The following MPHOSPH9 variants were observed in gnomAD, a reference collection of about 807,000 sequenced individuals.
MPHOSPH9 encodes M-phase phosphoprotein 9.
Under a neutral mutation model 145.5 loss-of-function variants are expected in MPHOSPH9, and 88 were observed. That is an observed-to-expected ratio of 0.60 (90% CI 0.51 to 0.72). The LOEUF (loss-of-function observed/expected upper bound fraction) is 0.72. Among genes scored for constraint, MPHOSPH9 ranks in the 30% least tolerant of loss-of-function variants. The pLI is 0.00. For synonymous variants in MPHOSPH9, 435 were observed against 486.2 expected (o/e 0.89, Z 1.39); for missense variants, 1,238 against 1,386.6 (o/e 0.89, Z 1.70).
Position 123,227,462 on chromosome 12 carries a change from C to T in MPHOSPH9, c.258+1G>A. ...TCCAAAAATAAAACAAAATTAGATA[C>T]CTCACAGTTTTTCCAAAGTTCCGAA... On this transcript the variant is annotated splice_donor_variant, in intron 3 of 23. Coordinates refer to ENST00000606320, the MANE Select transcript of MPHOSPH9 (RefSeq NM_022782.4). LOFTEE classifies it high-confidence loss of function. 2 of 1,482,448 alleles carry T rather than the reference C, an allele frequency of 1.3e-6. No individual in the cohort carries two copies. The highest frequency in any genetic ancestry group is 2.8e-5 in the African/African-American group (2 of 71,272). 91.8% of individuals were successfully genotyped at this position (1,482,448 alleles called of 1,614,324 possible).
chr12:123,197,548 C>T (rs892925986), intron 12 of MPHOSPH9, among the ~76,000 whole-genome samples: 4 of 152,038 alleles, frequency 2.6e-5, no homozygotes, highest in African/African-American at 9.7e-5. Context: ...CTCTGGGAGG[C>T]CGAGGTGGGT....
At chr12:123,162,869 G>T in intron 20 of MPHOSPH9, 145 bp downstream of exon 20, 1 of 738,986 alleles carries the variant, frequency 1.4e-6, no homozygotes, top group Non-Finnish European at 2.0e-6. Context: ...TTTAGTTGTA[G>T]TATGACATTC....
At chr12:123,170,561 C>T (rs1040048185) in intron 16 of MPHOSPH9, among the ~76,000 whole-genome samples, 4 of 152,092 alleles carry the variant, frequency 2.6e-5, no homozygotes, top group African/African-American at 7.2e-5. Context: ...AAATTATAGA[C>T]GTGAGCCACC....
chr12:123,177,083 G>A (rs371746280), intron 15 of MPHOSPH9, among the ~76,000 whole-genome samples: 2 of 152,046 alleles, frequency 1.3e-5, no homozygotes, highest in Non-Finnish European at 2.9e-5. Context: ...CCAGCTACTC[G>A]GGGGGCTGAG....
At chr12:123,193,060 G>C (rs1360611698) in intron 13 of MPHOSPH9, among the ~76,000 whole-genome samples, 19 of 120,636 alleles carry the variant, frequency 1.6e-4, no homozygotes, top group South Asian at 2.9e-4. Flanking sequence ...CGACAGAGAG[G>C]GATTGTCTTT....
At chr12:123,167,565 C>T (rs757380061) in intron 16 of MPHOSPH9, among the ~76,000 whole-genome samples, 1 of 152,048 alleles carries the variant, frequency 6.6e-6, no homozygotes, top group Non-Finnish European at 1.5e-5. Context: ...TGTGGACTGC[C>T]CTTTGTCTTT....
At chr12:123,239,749 C>T (rs1379501375) in intron 1 of MPHOSPH9, among the ~76,000 whole-genome samples, 1 of 152,154 alleles carries the variant, frequency 6.6e-6, no homozygotes, top group African/African-American at 2.4e-5. Flanking sequence ...AACATTAACA[C>T]AACAGAGGTG....
At chr12:123,205,130 A>G (rs1593184329) in intron 8 of MPHOSPH9, among the ~76,000 whole-genome samples, 1 of 152,334 alleles carries the variant, frequency 6.6e-6, no homozygotes, top group African/African-American at 2.4e-5. Flanking sequence ...GAAAGAACAC[A>G]TTAATCATGT....
chr12:123,193,248 G>A (rs1186018930), intron 13 of MPHOSPH9, among the ~76,000 whole-genome samples: 1 of 151,292 alleles, frequency 6.6e-6, no homozygotes, highest in African/African-American at 2.4e-5. Flanking sequence ...CAGTATGTCT[G>A]AAATAGATGG....
intron 8 of MPHOSPH9, among the ~76,000 whole-genome samples, chr12:123,209,499 C>T (rs962698611): frequency 1.3e-5 from 2 of 151,900 alleles, no homozygotes; most frequent in Admixed American, 1.3e-4. Flanking sequence ...CTCCACCTCC[C>T]AGGTTCAAGT....
chr12:123,208,532 T>TC (rs1235086890), intron 8 of MPHOSPH9, among the ~76,000 whole-genome samples: 2 of 33,926 alleles, frequency 5.9e-5, no homozygotes, highest in Non-Finnish European at 2.4e-4. Context: ...TGAAACTGTC[T>TC]CAAAAAAAAA....
intron 11 of MPHOSPH9, 75 bp from the exon 12 acceptor site, chr12:123,198,409 T>C (rs2046068891): frequency 8.7e-7 from 1 of 1,154,818 alleles, no homozygotes; most frequent in Non-Finnish European, 1.2e-6. Flanking sequence ...ATCTAACCAA[T>C]TCTCTAATAT....
intron 10 of MPHOSPH9, 38 bp downstream of exon 10, chr12:123,202,586 A>G (rs1225224867): frequency 6.5e-7 from 1 of 1,539,772 alleles, no homozygotes; most frequent in African/African-American, 1.4e-5. Flanking sequence ...ATCACAGAAA[A>G]TCTATTAACA....
chr12:123,222,196 G>A (rs1343427455), intron 4 of MPHOSPH9, among the ~76,000 whole-genome samples: 1 of 151,546 alleles, frequency 6.6e-6, no homozygotes, highest in East Asian at 1.9e-4. Context: ...ACGGTGGTGC[G>A]CATCTGTAAT....
chr12:123,194,125 C>T (rs1471138003), intron 13 of MPHOSPH9, among the ~76,000 whole-genome samples: 2 of 152,014 alleles, frequency 1.3e-5, no homozygotes, highest in East Asian at 1.9e-4. Flanking sequence ...AAAAATTAGC[C>T]GGGCGCAGTG....
rs2138562717 is a variant in MPHOSPH9, at chr12:123,218,577, G to A, written c.873-78C>T. Reference sequence around the variant, plus strand: ...GTCTTGCTGTGTCGCCCAGGCTGGAGTACGGTGGCGCAATCTCAGTTCACT... The same window carrying A: ...GTCTTGCTGTGTCGCCCAGGCTGGAATACGGTGGCGCAATCTCAGTTCACT... On this transcript the variant is annotated intron_variant, in intron 5 of 23. Coordinates refer to ENST00000606320, the MANE Select transcript of MPHOSPH9 (RefSeq NM_022782.4). 5 of 1,400,204 alleles carry A rather than the reference G, an allele frequency of 3.6e-6. No individual in the cohort carries two copies. The East Asian group carries it at 9.4e-5, about 26-fold the overall frequency. 86.7% of individuals were successfully genotyped at this position (1,400,204 alleles called of 1,614,324 possible).
Position 123,154,632 on chromosome 12 carries a change from A to G in MPHOSPH9, c.*2175T>C, listed in dbSNP as rs1372219357. On this transcript the variant is annotated 3_prime_UTR_variant, in exon 24 of 24. Coordinates refer to ENST00000606320, the MANE Select transcript of MPHOSPH9 (RefSeq NM_022782.4). ...AGATAAAACTATCATCTCTTCTGAA[A>G]TGGCATTTTTTAATTCTTAAGAATG... The G allele has an allele frequency of 6.6e-6, 1 of 152,196 alleles. No homozygotes were observed. The highest frequency in any genetic ancestry group is 1.5e-5 in the Non-Finnish European group (1 of 68,034). The allele number at this position is 152,196 out of a possible 1,614,324, so 9.4% of individuals were successfully genotyped here. A position where few individuals can be genotyped will look rare whatever the true frequency, so the allele number is the denominator to read the frequency against.
chr12:123,209,770 T>A (rs1593198545), intron 8 of MPHOSPH9, among the ~76,000 whole-genome samples: 4 of 143,238 alleles, frequency 2.8e-5, no homozygotes. Flanking sequence ...GGAGTCTTGC[T>A]CTGTCACCCA....
upstream of MPHOSPH9, among the ~76,000 whole-genome samples, chr12:123,234,790 A>T (rs1023398229): frequency 4.6e-5 from 7 of 152,200 alleles, no homozygotes; most frequent in Non-Finnish European, 1.0e-4. Flanking sequence ...TTAAACCAGG[A>T]CTTACTTCAT....
Sources: gnomAD v4.1 joint callset for allele counts (sites outside exome capture counted in the v4.1 genomes callset) on GRCh38, gnomAD v4.1.1 for gene constraint, MANE v1.5 for transcripts, NCBI Gene and HGNC (gene_info 2026-07-23, HGNC 2026-07-21) for gene names.